Variants in WDPCP observed in about 807,000 individuals in gnomAD.
WDPCP encodes the protein WD repeat containing planar cell polarity effector.
A neutral mutation model predicts 93.1 loss-of-function variants in WDPCP; 71 were observed. The ratio of observed to expected loss-of-function variants is 0.76; its 90% CI spans 0.63 to 0.93. The LOEUF (loss-of-function observed/expected upper bound fraction) is 0.93, where lower values mean the gene tolerates loss of function less well. Among genes scored for constraint, WDPCP ranks in the 40% least tolerant of loss-of-function variants. The probability of loss-of-function intolerance (pLI) is 0.00; values close to 1 mark genes in which losing one functional copy is unlikely to be tolerated. For synonymous variants in WDPCP, 315 were observed against 315.0 expected, an observed-to-expected ratio of 1.00 and a Z score of 0.00; for missense variants, 844 against 887.4, an observed-to-expected ratio of 0.95 and a Z score of 0.62.
intron 10 of WDPCP, among the ~76,000 whole-genome samples, chr2:63,390,962 C>A (rs1231981815): frequency 6.6e-6 from 1 of 152,154 alleles, no homozygotes; most frequent in African/African-American, 2.4e-5. Context: ...ACCAGAGGTA[C>A]AAAGAGGAGT....
chr2:63,240,976 T>C (rs769616505), intron 14 of WDPCP, among the ~76,000 whole-genome samples: 1 of 152,184 alleles, frequency 6.6e-6, no homozygotes, highest in Non-Finnish European at 1.5e-5. Flanking sequence ...TAAATAACAT[T>C]TAAATTATGG....
At chr2:63,656,498 G>T (rs559388856) in intron 2 of WDPCP, among the ~76,000 whole-genome samples, 1 of 152,208 alleles carries the variant, frequency 6.6e-6, no homozygotes, top group Non-Finnish European at 1.5e-5. Flanking sequence ...AGCCAGAAAT[G>T]GGCCAAAGCC....
chr2:63,476,347 C>G (rs1478359732), intron 6 of WDPCP, among the ~76,000 whole-genome samples: 2 of 152,126 alleles, frequency 1.3e-5, no homozygotes, highest in Non-Finnish European at 2.9e-5. Flanking sequence ...ATGGGCTCAC[C>G]TCCTCAATAC....
intron 13 of WDPCP, among the ~76,000 whole-genome samples, chr2:63,312,502 C>A (rs1411569288): frequency 6.6e-6 from 1 of 152,188 alleles, no homozygotes; most frequent in Non-Finnish European, 1.5e-5. Context: ...GGCAAAAGCA[C>A]CTTCTAGAAG....
chr2:63,678,872 C>T (rs908207792), intron 2 of WDPCP, among the ~76,000 whole-genome samples: 4 of 152,224 alleles, frequency 2.6e-5, no homozygotes, highest in African/African-American at 9.6e-5. Context: ...AGTTCTAGAG[C>T]TAGCAGTAGT....
chr2:63,835,389 C>CAAAAAAAAA, the WDPCP span, among the ~76,000 whole-genome samples: 2 of 42,346 alleles, frequency 4.7e-5, no homozygotes, highest in African/African-American at 1.8e-4. Flanking sequence ...GACTCCATCT[C>CAAAAAAAAA]AAAAAAAAAA....
intron 14 of WDPCP, among the ~76,000 whole-genome samples, chr2:63,257,048 C>T (rs1330213252): frequency 3.9e-5 from 6 of 152,186 alleles, no homozygotes; most frequent in Admixed American, 2.0e-4. Context: ...GTTTTGTGCA[C>T]TTTTCTGTAT....
intron 2 of WDPCP, among the ~76,000 whole-genome samples, chr2:63,729,424 G>T (rs941861419): frequency 6.6e-6 from 1 of 152,132 alleles, no homozygotes; most frequent in Admixed American, 6.5e-5. Context: ...AGAATAGGTG[G>T]TGGTGGGGGT....
chr2:63,739,672 G>T (rs1669687020), intron 2 of WDPCP, among the ~76,000 whole-genome samples: 1 of 151,992 alleles, frequency 6.6e-6, no homozygotes, highest in Admixed American at 6.6e-5. Context: ...AAGAGGAATG[G>T]TTGAACTAAT....
At chr2:63,834,544 G>A in the WDPCP span, among the ~76,000 whole-genome samples, 2 of 152,122 alleles carry the variant, frequency 1.3e-5, no homozygotes, top group African/African-American at 2.4e-5. Context: ...GATTCTTTCA[G>A]GCCTGGGGCA....
At chr2:63,359,208 G>A (rs1575220952) in intron 12 of WDPCP, among the ~76,000 whole-genome samples, 1 of 151,916 alleles carries the variant, frequency 6.6e-6, no homozygotes, top group South Asian at 2.1e-4. Flanking sequence ...TTCTAGTTCC[G>A]ACATCTACAT....
At chr2:63,736,658 C>G (rs1180582199) in intron 2 of WDPCP, among the ~76,000 whole-genome samples, 1 of 152,104 alleles carries the variant, frequency 6.6e-6, no homozygotes, top group African/African-American at 2.4e-5. Context: ...GTGGCTATCT[C>G]CAAAGTTATT....
chr2:63,588,564 T>A, upstream of WDPCP: 1 of 557,838 alleles, frequency 1.8e-6, no homozygotes, highest in East Asian at 3.1e-5. Flanking sequence ...GAAGGTCTCT[T>A]TACCTCCCAC....
At chr2:63,256,775 A>G (rs984598565) in intron 14 of WDPCP, among the ~76,000 whole-genome samples, 10 of 152,228 alleles carry the variant, frequency 6.6e-5, no homozygotes, top group Admixed American at 1.3e-4. Context: ...TTATAACTAT[A>G]TGCAACATAC....
intron 10 of WDPCP, among the ~76,000 whole-genome samples, chr2:63,398,995 A>C (rs1361105242): frequency 6.6e-6 from 1 of 152,152 alleles, no homozygotes; most frequent in Non-Finnish European, 1.5e-5. Flanking sequence ...GCTAGTTGGA[A>C]TCTTCTATTT....
At chr2:63,392,116 C>T (rs1334189664) in intron 10 of WDPCP, among the ~76,000 whole-genome samples, 4 of 152,172 alleles carry the variant, frequency 2.6e-5, no homozygotes, top group African/African-American at 7.2e-5. Context: ...GGAGGCATCA[C>T]ACTACCTGAC....
intron 14 of WDPCP, among the ~76,000 whole-genome samples, chr2:63,246,665 A>G (rs1435501597): frequency 6.6e-6 from 1 of 152,184 alleles, no homozygotes; most frequent in Non-Finnish European, 1.5e-5. Flanking sequence ...GACTGGCACA[A>G]TCTCTGGCCT....
At chr2:63,334,873 C>T (rs1688238776) in intron 12 of WDPCP, among the ~76,000 whole-genome samples, 1 of 152,076 alleles carries the variant, frequency 6.6e-6, no homozygotes, top group Non-Finnish European at 1.5e-5. Flanking sequence ...ACAATTTGCC[C>T]ACGAGGAAAT....
chr2:63,510,862 G>C (rs1051034322), intron 1 of WDPCP, among the ~76,000 whole-genome samples: 6 of 152,134 alleles, frequency 3.9e-5, no homozygotes, highest in African/African-American at 1.4e-4. Flanking sequence ...TGTAGTCCCA[G>C]CTACTTGGGA....
Sources: gnomAD v4.1 joint callset for allele counts (sites outside exome capture counted in the v4.1 genomes callset) on GRCh38, gnomAD v4.1.1 for gene constraint, MANE v1.5 for transcripts, NCBI Gene and HGNC (gene_info 2026-07-23, HGNC 2026-07-21) for gene names.